ATXN7L3B: variants seen among roughly 807,000 people sequenced by gnomAD.
ATXN7L3B encodes ataxin 7 like 3B.
Under a neutral mutation model 6.3 loss-of-function variants are expected in ATXN7L3B, and 4 were observed. The observed-to-expected ratio is 0.63, with a 90% CI of 0.31 to 1.45. The LOEUF is 1.45. ATXN7L3B is among the 40% of genes most tolerant of loss of function. The pLI is 0.07. For synonymous variants in ATXN7L3B, 63 were observed against 48.0 expected, an observed-to-expected ratio of 1.31 and a Z score of -1.29; for missense variants, 120 against 118.5, an observed-to-expected ratio of 1.01 and a Z score of -0.06.
Position 74,543,237 on chromosome 12 carries a change from C to G in ATXN7L3B, c.*4831C>G, listed in dbSNP as rs890121235. On this transcript the variant is annotated 3_prime_UTR_variant, in exon 1 of 1. Coordinates refer to ENST00000519948, the MANE Select transcript of ATXN7L3B (RefSeq NM_001136262.2). ...AAAAAAAAATCTTCAGCAGCAGTGA[C>G]TTGCCCATAGTTCAAAAAGCAAAAA... 7 of 152,004 alleles carry G rather than the reference C, an allele frequency of 4.6e-5. No homozygotes were observed. Among genetic ancestry groups the G allele is most frequent in the South Asian group, 2.1e-4 (1 of 4,832 alleles). The allele number at this position is 152,004 out of a possible 1,614,324, so 9.4% of individuals were successfully genotyped here.
chr12:74,544,599 A>G lies in ATXN7L3B; in HGVS notation c.*6193A>G, dbSNP rs372389502. On this transcript the variant is annotated 3_prime_UTR_variant, in exon 1 of 1. Transcript: ENST00000519948. ...TTGTGGAACAGATTATCCATAAATAATAAAACTGTGCTCAGACACAAAATT... is the reference window on the plus strand; with the variant it reads ...TTGTGGAACAGATTATCCATAAATAGTAAAACTGTGCTCAGACACAAAATT... 8.5e-5 allele frequency: 13 copies of G among 152,160 alleles called. No homozygotes were observed. The East Asian group carries it at 1.9e-3, about 23-fold the overall frequency. 9.4% of individuals were successfully genotyped at this position (152,160 alleles called of 1,614,324 possible). A position where few individuals can be genotyped will look rare whatever the true frequency, so the allele number is the denominator to read the frequency against.
rs781279539 is a variant in ATXN7L3B, at chr12:74,542,214, C to G, written c.*3808C>G. On this transcript the variant is annotated 3_prime_UTR_variant, in exon 1 of 1. Coordinates refer to ENST00000519948, the MANE Select transcript of ATXN7L3B (RefSeq NM_001136262.2). The stretch of plus-strand genomic sequence containing the variant: ...ACTGTCCAGTTTAAATAGGCCAGGG[C>G]CAACGTGGTGATTTGAGAAAACTTA... 6 of 152,106 alleles carry G rather than the reference C, an allele frequency of 3.9e-5. No individual in the cohort carries two copies. Among genetic ancestry groups the G allele is most frequent in the Admixed American group, 6.5e-5 (1 of 15,268 alleles). 9.4% of individuals were successfully genotyped at this position (152,106 alleles called of 1,614,324 possible). A position where few individuals can be genotyped will look rare whatever the true frequency, so the allele number is the denominator to read the frequency against.
In ATXN7L3B at chr12:74,542,529, G is replaced by T. The variant is rs1033637484; in HGVS notation, c.*4123G>T. 4 of 151,306 alleles carry T rather than the reference G, an allele frequency of 2.6e-5. No individual in the cohort carries two copies. The highest frequency in any genetic ancestry group is 6.6e-5 in the Admixed American group (1 of 15,184). 9.4% of individuals were successfully genotyped at this position (151,306 alleles called of 1,614,324 possible). On this transcript the variant is annotated 3_prime_UTR_variant, in exon 1 of 1. Transcript: ENST00000519948. ...AATACTTGACAATGGGACTTTGAAG[G>T]TTATTTCTTATGTTTTCTGACTAGT...
At position 74,545,000 on chromosome 12, in the gene ATXN7L3B, A is replaced by G. The variant is rs1448194865; in HGVS notation, c.*6594A>G. 3 of 152,106 alleles carry G rather than the reference A, an allele frequency of 2.0e-5. No homozygotes were observed. Among genetic ancestry groups the G allele is most frequent in the African/African-American group, 7.2e-5 (3 of 41,472 alleles). The allele number at this position is 152,106 out of a possible 1,614,324, so 9.4% of individuals were successfully genotyped here. The stretch of plus-strand genomic sequence containing the variant: ...TTAGGTTCAAAGAAATGCAAACTAA[A>G]AACAAAATACCAATTTACCCTACTC... On this transcript the variant is annotated 3_prime_UTR_variant, in exon 1 of 1. Transcript: ENST00000519948.
In ATXN7L3B at chr12:74,537,874, T is replaced by G; in HGVS notation, c.-239T>G. On this transcript the variant is annotated 5_prime_UTR_variant, in exon 1 of 1. Coordinates refer to ENST00000519948, the MANE Select transcript of ATXN7L3B (RefSeq NM_001136262.2). ...GGCGCTGAGACGGTTTGGCGGTGAG[T>G]CCTGGGCCAGGCGCAGCTGAAAGGC... 3 of 535,970 alleles carry G rather than the reference T, an allele frequency of 5.6e-6. No homozygotes were observed. The highest frequency in any genetic ancestry group is 1.0e-5 in the Non-Finnish European group (3 of 299,542). 33.2% of individuals were successfully genotyped at this position (535,970 alleles called of 1,614,324 possible).
chr12:74,538,554 G>C lies in ATXN7L3B; in HGVS notation c.*148G>C. On this transcript the variant is annotated 3_prime_UTR_variant, in exon 1 of 1. Coordinates refer to ENST00000519948, the MANE Select transcript of ATXN7L3B (RefSeq NM_001136262.2). Reference sequence around the variant, plus strand: ...ATCCTAGCATTTAAAAACCCAAAGTGGATAATTTAGGAATCCTTTTTTTAA... The same window carrying C: ...ATCCTAGCATTTAAAAACCCAAAGTCGATAATTTAGGAATCCTTTTTTTAA... 1 of 746,444 alleles carries C rather than the reference G, an allele frequency of 1.3e-6. No homozygotes were observed. The highest frequency in any genetic ancestry group is 2.2e-6 in the Non-Finnish European group (1 of 458,416). 46.2% of individuals were successfully genotyped at this position (746,444 alleles called of 1,614,324 possible).
chr12:74,541,777 G>A lies in ATXN7L3B; in HGVS notation c.*3371G>A, dbSNP rs757874239. On this transcript the variant is annotated 3_prime_UTR_variant, in exon 1 of 1. Transcript: ENST00000519948. ...TTTGAATTGAACTCAATATATCTTA[G>A]TAAGTACATTTTACCATCATTTTAA... The A allele has an allele frequency of 9.2e-5, 14 of 152,302 alleles. No individual in the cohort carries two copies. The highest frequency in any genetic ancestry group is 3.9e-4 in the East Asian group (2 of 5,178). The allele number at this position is 152,302 out of a possible 1,614,324, so 9.4% of individuals were successfully genotyped here.
chr12:74,539,167 G>C lies in ATXN7L3B; in HGVS notation c.*761G>C, dbSNP rs1172930326. On this transcript the variant is annotated 3_prime_UTR_variant, in exon 1 of 1. Transcript: ENST00000519948. ...GTTGTCCAGACAGGTTGAGGATTCG[G>C]TTATGATCCCCTGGGGAGGTAGCAG... The C allele has an allele frequency of 6.0e-6, 1 of 167,194 alleles. No homozygotes were observed. The highest frequency in any genetic ancestry group is 1.5e-5 in the Non-Finnish European group (1 of 68,196). The allele number at this position is 167,194 out of a possible 1,614,324, so 10.4% of individuals were successfully genotyped here. A position where few individuals can be genotyped will look rare whatever the true frequency, so the allele number is the denominator to read the frequency against.
Position 74,537,957 on chromosome 12 carries a change from C to A in ATXN7L3B, c.-156C>A, listed in dbSNP as rs994510261. 1 of 645,462 alleles carries A rather than the reference C, an allele frequency of 1.5e-6. No individual in the cohort carries two copies. Among genetic ancestry groups the A allele is most frequent in the African/African-American group, 1.8e-5 (1 of 54,594 alleles). The allele number at this position is 645,462 out of a possible 1,614,324, so 40.0% of individuals were successfully genotyped here. ...GGACTTGGGATTCCGGAGCAGTCGC[C>A]CCTATCGCTGCTCCTGCAGTTGCGG... On this transcript the variant is annotated 5_prime_UTR_variant, in exon 1 of 1. Transcript: ENST00000519948.
At position 74,542,978 on chromosome 12, in the gene ATXN7L3B, C is replaced by T. The variant is rs540286753; in HGVS notation, c.*4572C>T. 2.0e-5 allele frequency: 3 copies of T among 152,218 alleles called. No individual in the cohort carries two copies. Among genetic ancestry groups the T allele is most frequent in the South Asian group, 2.1e-4 (1 of 4,832 alleles). The allele number at this position is 152,218 out of a possible 1,614,324, so 9.4% of individuals were successfully genotyped here. ...AGTTTTACTCTGCTGTGAAGGATTA[C>T]GAGCTCTCTGATTTTCATTTATGTT... On this transcript the variant is annotated 3_prime_UTR_variant, in exon 1 of 1. Transcript: ENST00000519948.
rs1315702652 is a variant in ATXN7L3B, at chr12:74,543,396, A to C, written c.*4990A>C. 1 of 152,136 alleles carries C rather than the reference A, an allele frequency of 6.6e-6. No individual in the cohort carries two copies. The highest frequency in any genetic ancestry group is 1.5e-5 in the Non-Finnish European group (1 of 67,952). 9.4% of individuals were successfully genotyped at this position (152,136 alleles called of 1,614,324 possible). ...CAATGAAAAATCCATGATGCTTATGAACAACGTTAGGGCAATGAATTTGAA... is the reference window on the plus strand; with the variant it reads ...CAATGAAAAATCCATGATGCTTATGCACAACGTTAGGGCAATGAATTTGAA... On this transcript the variant is annotated 3_prime_UTR_variant, in exon 1 of 1. Coordinates refer to ENST00000519948, the MANE Select transcript of ATXN7L3B (RefSeq NM_001136262.2).
chr12:74,538,046 G>A lies in ATXN7L3B; in HGVS notation c.-67G>A, dbSNP rs1868765491. On this transcript the variant is annotated 5_prime_UTR_variant, in exon 1 of 1. Coordinates refer to ENST00000519948, the MANE Select transcript of ATXN7L3B (RefSeq NM_001136262.2). ...AGGCCTCTAGGCCTAGGCGCGGCCCGCGGAGCCAGACGTGTTGCTGCCGTG... is the reference window on the plus strand; with the variant it reads ...AGGCCTCTAGGCCTAGGCGCGGCCCACGGAGCCAGACGTGTTGCTGCCGTG... The A allele has an allele frequency of 6.7e-7, 1 of 1,490,746 alleles. No individual in the cohort carries two copies. The highest frequency in any genetic ancestry group is 9.0e-7 in the Non-Finnish European group (1 of 1,106,196). The allele number at this position is 1,490,746 out of a possible 1,614,324, so 92.3% of individuals were successfully genotyped here.
chr12:74,541,062 A>G lies in ATXN7L3B; in HGVS notation c.*2656A>G, dbSNP rs1485425963. 1 of 166,996 alleles carries G rather than the reference A, an allele frequency of 6.0e-6. No homozygotes were observed. Among genetic ancestry groups the G allele is most frequent in the East Asian group, 1.9e-4 (1 of 5,164 alleles). 10.3% of individuals were successfully genotyped at this position (166,996 alleles called of 1,614,324 possible). On this transcript the variant is annotated 3_prime_UTR_variant, in exon 1 of 1. Coordinates refer to ENST00000519948, the MANE Select transcript of ATXN7L3B (RefSeq NM_001136262.2). ...CCTTTCCCTACCTACCTTCCTTTTA[A>G]TAGCAGAATTCCTATTTTTCCCTTG...
chr12:74,539,239 C>T lies in ATXN7L3B; in HGVS notation c.*833C>T. The T allele has an allele frequency of 1.2e-5, 2 of 167,232 alleles. No individual in the cohort carries two copies. 10.4% of individuals were successfully genotyped at this position (167,232 alleles called of 1,614,324 possible). A position where few individuals can be genotyped will look rare whatever the true frequency, so the allele number is the denominator to read the frequency against. On this transcript the variant is annotated 3_prime_UTR_variant, in exon 1 of 1. Transcript: ENST00000519948. ...ATTTCTCAAACTTCAAGATTCATGT[C>T]TGGATGTATTATGCTGTGGATATAA...
At position 74,544,169 on chromosome 12, in the gene ATXN7L3B, A is replaced by G. The variant is rs1054139261; in HGVS notation, c.*5763A>G. 1.2e-4 allele frequency: 18 copies of G among 152,082 alleles called. No homozygotes were observed. The highest frequency in any genetic ancestry group is 4.1e-4 in the African/African-American group (17 of 41,470). 9.4% of individuals were successfully genotyped at this position (152,082 alleles called of 1,614,324 possible). A position where few individuals can be genotyped will look rare whatever the true frequency, so the allele number is the denominator to read the frequency against. On this transcript the variant is annotated 3_prime_UTR_variant, in exon 1 of 1. Transcript: ENST00000519948. ...TATTAAATTTAGAATGTAATTCAAC[A>G]AGTTATAACAGTCCTATGAAATAAT...
chr12:74,538,482 A>G lies in ATXN7L3B; in HGVS notation c.*76A>G. 3 of 1,294,696 alleles carry G rather than the reference A, an allele frequency of 2.3e-6. No individual in the cohort carries two copies. The highest frequency in any genetic ancestry group is 1.5e-5 in the South Asian group (1 of 64,858). 80.2% of individuals were successfully genotyped at this position (1,294,696 alleles called of 1,614,324 possible). A position where few individuals can be genotyped will look rare whatever the true frequency, so the allele number is the denominator to read the frequency against. On this transcript the variant is annotated 3_prime_UTR_variant, in exon 1 of 1. Coordinates refer to ENST00000519948, the MANE Select transcript of ATXN7L3B (RefSeq NM_001136262.2). ...TGTGGCTTCGAGGAGTAAGCTAAGTAGAAAAAAGTAGAAAAATCAGACAAA... is the reference window on the plus strand; with the variant it reads ...TGTGGCTTCGAGGAGTAAGCTAAGTGGAAAAAAGTAGAAAAATCAGACAAA...
rs1243603875 is a variant in ATXN7L3B, at chr12:74,543,047, G to A, written c.*4641G>A. 1 of 152,100 alleles carries A rather than the reference G, an allele frequency of 6.6e-6. No individual in the cohort carries two copies. Among genetic ancestry groups the A allele is most frequent in the South Asian group, 2.1e-4 (1 of 4,834 alleles). 9.4% of individuals were successfully genotyped at this position (152,100 alleles called of 1,614,324 possible). ...GTTGCTTTGGAGGACAGCATTAGAA[G>A]TGATGTTCCTATTCAAAAAGGTTTT... On this transcript the variant is annotated 3_prime_UTR_variant, in exon 1 of 1. Coordinates refer to ENST00000519948, the MANE Select transcript of ATXN7L3B (RefSeq NM_001136262.2).
rs1049184000 is a variant in ATXN7L3B at position 74,544,922 on chromosome 12, A to G, written c.*6516A>G. The G allele has an allele frequency of 6.6e-6, 1 of 152,062 alleles. No individual in the cohort carries two copies. Among genetic ancestry groups the G allele is most frequent in the Non-Finnish European group, 1.5e-5 (1 of 67,882 alleles). The allele number at this position is 152,062 out of a possible 1,614,324, so 9.4% of individuals were successfully genotyped here. On this transcript the variant is annotated 3_prime_UTR_variant, in exon 1 of 1. Transcript: ENST00000519948. The stretch of plus-strand genomic sequence containing the variant: ...TGCCAAATGTATAAAGTAAAAGAAC[A>G]GCTCATTCTTACAAAAAGAAATATG...
Position 74,542,328 on chromosome 12 carries a change from G to A in ATXN7L3B, c.*3922G>A, listed in dbSNP as rs974500209. 1 of 152,118 alleles carries A rather than the reference G, an allele frequency of 6.6e-6. No homozygotes were observed. The highest frequency in any genetic ancestry group is 1.5e-5 in the Non-Finnish European group (1 of 68,000). 9.4% of individuals were successfully genotyped at this position (152,118 alleles called of 1,614,324 possible). ...ACCAAGATTGGGTATTTTGCCTTAA[G>A]TAAGATTTCTACTACTTTTATTAAA... On this transcript the variant is annotated 3_prime_UTR_variant, in exon 1 of 1. Coordinates refer to ENST00000519948, the MANE Select transcript of ATXN7L3B (RefSeq NM_001136262.2).
Sources: gnomAD v4.1 joint callset for allele counts on GRCh38, gnomAD v4.1.1 for gene constraint, MANE v1.5 for transcripts, NCBI Gene and HGNC (gene_info 2026-07-23, HGNC 2026-07-21) for gene names.